PLB1: variants seen among roughly 807,000 people sequenced by gnomAD.
PLB1 encodes phospholipase B1.
PLB1 carries 242 observed loss-of-function variants against 227.4 expected under a neutral mutation model. The ratio of observed to expected loss-of-function variants is 1.06; its 90% CI spans 0.96 to 1.18. PLB1 has a LOEUF of 1.18. PLB1 is among the 50% of genes most tolerant of loss of function. The pLI, the probability that PLB1 is intolerant of heterozygous loss-of-function variation, is 0.00. For missense variants in PLB1, 1,858 were observed against 1,816.3 expected, an observed-to-expected ratio of 1.02 and a Z score of -0.42; for synonymous variants, 757 against 682.2, an observed-to-expected ratio of 1.11 and a Z score of -1.71.
chr2:28,538,347 A>C lies in PLB1; in HGVS notation c.584A>C (p.Glu195Ala). ...GGGCTTGCGGCGGGCGGCGTGGATG[A>C]GCTGATGGGGGTGCTGGACTACCTG... ...QNGLAAGGVD[E>A]LMGVLDYLQQ... The change falls in exon 10 of 58, where the codon GAG becomes GCG. Residue 195 changes from glutamate (E) to alanine (A), a missense_variant. Physicochemically the swap from Glu to Ala is moderately radical, Grantham distance 107. Transcript: ENST00000327757. The C allele has an allele frequency of 6.2e-7, 1 of 1,612,650 alleles. No homozygotes were observed. The highest frequency in any genetic ancestry group is 2.2e-5 in the East Asian group (1 of 44,824).
chr2:28,604,594 C>G, intron 40 of PLB1, 61 bp from the exon 41 acceptor site: 2 of 1,411,230 alleles, frequency 1.4e-6, no homozygotes, highest in East Asian at 2.3e-5. Flanking sequence ...CCTACTCTTG[C>G]CTCACTGGGT....
rs1259097628 is a variant in PLB1, at chr2:28,573,316, G to T, written c.1433+11G>T. 2 of 1,603,008 alleles carry T rather than the reference G, an allele frequency of 1.2e-6. No individual in the cohort carries two copies. The highest frequency in any genetic ancestry group is 1.3e-5 in the African/African-American group (1 of 74,660). On this transcript the variant is annotated intron_variant, in intron 21 of 57. Transcript: ENST00000327757. ...AGGAGGCCGAGCTGAGTAAGCAGGGGTGACCGGGGCGGTGAACAGCACAGG... is the reference window on the plus strand; with the variant it reads ...AGGAGGCCGAGCTGAGTAAGCAGGGTTGACCGGGGCGGTGAACAGCACAGG...
intron 22 of PLB1, among the ~76,000 whole-genome samples, chr2:28,579,408 G>A (rs879844898): frequency 9.2e-5 from 14 of 152,136 alleles, no homozygotes; most frequent in Admixed American, 9.2e-4. Flanking sequence ...TTTTGTGTGT[G>A]GACAGAGCCA....
intron 33 of PLB1, among the ~76,000 whole-genome samples, chr2:28,597,346 T>C (rs1032260954): frequency 6.6e-6 from 1 of 151,772 alleles, no homozygotes; most frequent in Non-Finnish European, 1.5e-5. Flanking sequence ...AAAAGAACAG[T>C]AAATACCATA....
At chr2:28,588,642 A>C (rs1443374801) in intron 26 of PLB1, among the ~76,000 whole-genome samples, 3 of 152,140 alleles carry the variant, frequency 2.0e-5, no homozygotes, top group Non-Finnish European at 4.4e-5. Flanking sequence ...AACTGGGGTA[A>C]CAGATTTTCC....
chr2:28,516,646 T>C (rs998152580), intron 1 of PLB1, among the ~76,000 whole-genome samples, 162 bp from the exon 2 acceptor site: 1 of 152,164 alleles, frequency 6.6e-6, no homozygotes, highest in African/African-American at 2.4e-5. Context: ...TCCCACACAA[T>C]GGAGGGGATA....
At chr2:28,622,840 C>T (rs190674637) in intron 49 of PLB1, among the ~76,000 whole-genome samples, 11 of 152,226 alleles carry the variant, frequency 7.2e-5, no homozygotes, top group East Asian at 1.9e-4. Flanking sequence ...GAGCCAAGAT[C>T]GTGCCATTGC....
At chr2:28,585,398 C>G (rs1680738556) in intron 25 of PLB1, among the ~76,000 whole-genome samples, 1 of 152,136 alleles carries the variant, frequency 6.6e-6, no homozygotes, top group Admixed American at 6.5e-5. Flanking sequence ...GCCTCAGCCT[C>G]CCGAGTAGCT....
At chr2:28,603,020 A>G (rs1573356794) in intron 39 of PLB1, 99 bp downstream of exon 39, 1 of 1,054,812 alleles carries the variant, frequency 9.5e-7, no homozygotes, top group Admixed American at 1.9e-5. Flanking sequence ...GACTTGGTCT[A>G]TCCATGTGTC....
intron 13 of PLB1, 79 bp downstream of exon 13, chr2:28,541,890 T>C (rs1417757079): frequency 5.0e-6 from 6 of 1,192,098 alleles, no homozygotes; most frequent in Middle Eastern, 3.8e-4. Flanking sequence ...CCCAGCACTT[T>C]GGGAGGCCGA....
intron 43 of PLB1, among the ~76,000 whole-genome samples, chr2:28,610,099 T>G (rs1345689010): frequency 6.6e-6 from 1 of 152,120 alleles, no homozygotes; most frequent in Non-Finnish European, 1.5e-5. Context: ...TCTTTTTTAT[T>G]TATTTATTTA....
chr2:28,630,704 G>A (rs543200799), intron 54 of PLB1, 40 bp downstream of exon 54: 2 of 1,556,230 alleles, frequency 1.3e-6, no homozygotes, highest in African/African-American at 2.7e-5. Flanking sequence ...CCAGCTGGGG[G>A]GCCCCCTGTA....
chr2:28,598,446 C>T (rs1373603521), intron 34 of PLB1, among the ~76,000 whole-genome samples: 1 of 152,160 alleles, frequency 6.6e-6, no homozygotes, highest in Non-Finnish European at 1.5e-5. Context: ...AGGCTCTTGC[C>T]ACCCTGGCCC....
chr2:28,562,923 G>C, intron 17 of PLB1, 118 bp from the exon 18 acceptor site: 1 of 928,562 alleles, frequency 1.1e-6, no homozygotes, highest in South Asian at 1.4e-5. Context: ...AGGTGTCTTG[G>C]TGGTAAAAAC....
intron 5 of PLB1, 114 bp from the exon 6 acceptor site, chr2:28,525,791 C>A: frequency 1.5e-6 from 2 of 1,321,312 alleles, no homozygotes; most frequent in Non-Finnish European, 2.1e-6. Flanking sequence ...AATCCCAGAA[C>A]CAGAGCAAGG....
chr2:28,522,333 AC>A (rs774258879), intron 4 of PLB1, among the ~76,000 whole-genome samples: 16 of 151,852 alleles, frequency 1.1e-4, no homozygotes, highest in Non-Finnish European at 1.0e-4. Context: ...AGAGCTCCCC[AC>A]CCGCATTCTC....
intron 4 of PLB1, among the ~76,000 whole-genome samples, chr2:28,523,298 C>A (rs1300460697): frequency 6.6e-6 from 1 of 150,658 alleles, no homozygotes; most frequent in African/African-American, 2.4e-5. Context: ...ATATATAAAA[C>A]CTAAATAGGG....
intron 55 of PLB1, among the ~76,000 whole-genome samples, chr2:28,632,681 G>A (rs573270233): frequency 7.2e-5 from 11 of 152,186 alleles, no homozygotes; most frequent in East Asian, 1.9e-4. Context: ...CCAGGTACTC[G>A]GGAGGCAGAA....
chr2:28,621,195 A>C (rs1432191152), intron 49 of PLB1, among the ~76,000 whole-genome samples: 3 of 152,088 alleles, frequency 2.0e-5, no homozygotes, highest in African/African-American at 7.2e-5. Flanking sequence ...TTATCCAGCA[A>C]GTTATCAGAG....
Sources: allele counts gnomAD v4.1 joint callset (sites outside exome capture counted in the v4.1 genomes callset), GRCh38; gene constraint gnomAD v4.1.1; transcripts MANE v1.5; gene names NCBI Gene and HGNC (gene_info 2026-07-23, HGNC 2026-07-21).